Variants in SLC1A6 observed in about 807,000 individuals in gnomAD.
SLC1A6 encodes excitatory amino acid transporter 4.
Under a neutral mutation model 42.1 loss-of-function variants are expected in SLC1A6, and 15 were observed. The observed-to-expected ratio is 0.36, with a 90% CI of 0.24 to 0.55. The LOEUF is 0.55. Ranked by LOEUF, SLC1A6 falls within the 20% of genes least tolerant of loss-of-function variation. The pLI is 0.88. For missense variants in SLC1A6, 542 were observed against 772.5 expected (o/e 0.70, Z 3.54); for synonymous variants, 317 against 319.7 (o/e 0.99, Z 0.09).
Position 14,968,348 on chromosome 19 carries a change from C to A in SLC1A6, c.503G>T (p.Arg168Leu). The change falls in exon 4 of 10, where the codon CGG becomes CTG. Residue 168 changes from arginine to leucine, a missense_variant. By Grantham distance (102) the Arg-to-Leu change is moderately radical. Around this residue, in one of 6 missense-constraint regions of SLC1A6, gnomAD observed 298 missense variants for 419.4 expected, o/e 0.71. Coordinates refer to ENST00000594383, the MANE Select transcript of SLC1A6 (RefSeq NM_005071.3). Reference sequence around the variant, plus strand: ...ATCAGCTGTGGGGATGGTCTCGATCCGGCCCTCCCGGTGCAGCCCCTCCTT... The same window carrying A: ...ATCAGCTGTGGGGATGGTCTCGATCAGGCCCTCCCGGTGCAGCCCCTCCTT... The part of the protein sequence containing the change: ...GSKEGLHREG[R>L]IETIPTADAF... 1 of 1,613,690 alleles carries A rather than the reference C, an allele frequency of 6.2e-7. No individual in the cohort carries two copies. Among genetic ancestry groups the A allele is most frequent in the Non-Finnish European group, 8.5e-7 (1 of 1,179,862 alleles).
intron 1 of SLC1A6, among the ~76,000 whole-genome samples, chr19:14,998,578 A>C (rs1193132166): frequency 6.6e-6 from 1 of 152,094 alleles, no homozygotes; most frequent in African/African-American, 2.4e-5. Context: ...CAACAACAAC[A>C]AAAAAAGCAG....
In SLC1A6 at chr19:15,008,944, C is replaced by T. The variant is rs201089645; in HGVS notation, c.6+1541G>A. Among the ~76,000 whole-genome samples, 4 of 150,946 alleles carry T rather than the reference C, an allele frequency of 2.6e-5. No homozygotes were observed. The East Asian group carries it at 7.8e-4, about 29-fold the overall frequency. On this transcript the variant is annotated intron_variant, in intron 1 of 8. Transcript: ENST00000430939. ...CTGGGAGGCAGAGGTTGCAGTGAGC[C>T]GAGATCATGCCACTGCACTTCAGCC...
intron 8 of SLC1A6, among the ~76,000 whole-genome samples, chr19:14,953,478 C>CCACCTCGAACTCCTGAT (rs2045432330): frequency 1.3e-5 from 2 of 151,850 alleles, no homozygotes; most frequent in Non-Finnish European, 2.9e-5. Context: ...GAACTCCTGA[C>CCACCTCGAACTCCTGAT]CACCTCGAAC....
At chr19:14,974,581 C>T (rs1451479767) in intron 1 of SLC1A6, 1 of 151,600 alleles carries the variant, frequency 6.6e-6, no homozygotes, top group African/African-American at 2.4e-5. Flanking sequence ...TCTCTTTGTG[C>T]ACCCCTTCCT....
At chr19:14,970,857 C>T (rs571757795) in intron 3 of SLC1A6, among the ~76,000 whole-genome samples, 16 of 152,208 alleles carry the variant, frequency 1.1e-4, no homozygotes, top group African/African-American at 1.7e-4. Context: ...GTGAGCCGGG[C>T]GTGGTGGCTC....
At chr19:14,963,125 AAAAAG>A (rs2045534340) in intron 5 of SLC1A6, among the ~76,000 whole-genome samples, 1 of 152,238 alleles carries the variant, frequency 6.6e-6, no homozygotes, top group African/African-American at 2.4e-5. Flanking sequence ...TTCAGCCTTG[AAAAAG>A]GAGGGGATCC....
chr19:14,989,550 G>A (rs2045808787), intron 1 of SLC1A6, among the ~76,000 whole-genome samples: 4 of 148,106 alleles, frequency 2.7e-5, no homozygotes, highest in Admixed American at 1.3e-4. Flanking sequence ...GTGAGCCACC[G>A]TGCCCGGCCA....
intron 2 of SLC1A6, 146 bp from the exon 3 acceptor site, chr19:14,972,020 G>C: frequency 2.9e-6 from 2 of 695,608 alleles, no homozygotes; most frequent in Non-Finnish European, 4.8e-6. Flanking sequence ...GTGCACTGAT[G>C]TGTGCAGACA....
At chr19:14,961,803 G>T in intron 6 of SLC1A6, 199 bp downstream of exon 6, 1 of 679,400 alleles carries the variant, frequency 1.5e-6, no homozygotes, top group Non-Finnish European at 2.4e-6. Context: ...ATGAATGAAT[G>T]AACAGATGAA....
intron 5 of SLC1A6, among the ~76,000 whole-genome samples, chr19:14,962,914 A>G (rs2045531701): frequency 1.3e-5 from 2 of 152,138 alleles, no homozygotes; most frequent in Non-Finnish European, 2.9e-5. Context: ...AAAAACAAAA[A>G]AAAATTGAAC....
At chr19:14,999,786 C>T (rs2145239698) in intron 1 of SLC1A6, among the ~76,000 whole-genome samples, 1 of 152,198 alleles carries the variant, frequency 6.6e-6, no homozygotes, top group East Asian at 1.9e-4. Context: ...TTTTCACCTT[C>T]AATACAATAG....
intron 1 of SLC1A6, among the ~76,000 whole-genome samples, chr19:14,993,294 G>T (rs76515632): frequency 6.6e-6 from 1 of 151,952 alleles, no homozygotes; most frequent in African/African-American, 2.4e-5. Context: ...GGGGGGCAAT[G>T]GTGAGTGACT....
chr19:15,004,686 G>A (rs965139177), intron 1 of SLC1A6, among the ~76,000 whole-genome samples: 2 of 149,818 alleles, frequency 1.3e-5, no homozygotes, highest in African/African-American at 4.9e-5. Flanking sequence ...GTGACAGAGT[G>A]AGACTCTGTC....
At chr19:14,970,583 T>C (rs6511990) in intron 3 of SLC1A6, among the ~76,000 whole-genome samples, 58,276 of 151,346 alleles carry the variant, frequency 0.39, 11,570 homozygotes, top group East Asian at 0.59. Flanking sequence ...TGGTGGCGGG[T>C]GCCTGTAGTT....
In SLC1A6 at chr19:15,009,866, G is replaced by A. The variant is rs145561121; in HGVS notation, c.6+619C>T. On this transcript the variant is annotated intron_variant, in intron 1 of 8. Coordinates refer to the SLC1A6 transcript ENST00000430939. ...AAGATAATTTCAGATAGCGGTGAGT[G>A]CTATGAAGACACGAAAGAAAATGTA... is the stretch of plus-strand genomic sequence containing the variant. Among the ~76,000 whole-genome samples, 354 of 152,252 alleles carry A rather than the reference G, an allele frequency of 2.3e-3. 3 individuals carry two copies. Among genetic ancestry groups the A allele is most frequent in the African/African-American group, 8.1e-3 (335 of 41,556 alleles).
At chr19:14,994,506 C>G (rs1469263996) in intron 1 of SLC1A6, among the ~76,000 whole-genome samples, 1 of 152,176 alleles carries the variant, frequency 6.6e-6, no homozygotes, top group Non-Finnish European at 1.5e-5. Flanking sequence ...TGACCCAACT[C>G]CCCTCAAACT....
upstream of SLC1A6, among the ~76,000 whole-genome samples, chr19:14,982,769 G>A (rs1427892387): frequency 1.3e-5 from 2 of 152,160 alleles, no homozygotes; most frequent in East Asian, 3.8e-4. Flanking sequence ...AGATCCCAAA[G>A]AGCTTTTCTT....
intron 1 of SLC1A6, among the ~76,000 whole-genome samples, chr19:15,008,021 GC>G (rs35846384): frequency 0.017 from 2,046 of 120,880 alleles, 22 homozygotes; most frequent in African/African-American, 0.026. Context: ...TCAAAAGTCT[GC>G]CCCCCCCCCA....
intron 1 of SLC1A6, among the ~76,000 whole-genome samples, chr19:14,988,974 G>C (rs923617434): frequency 6.6e-6 from 1 of 152,146 alleles, no homozygotes; most frequent in African/African-American, 2.4e-5. Context: ...AGCCATGATC[G>C]TGCCACTGCA....
Sources: allele counts gnomAD v4.1 joint callset (sites outside exome capture counted in the v4.1 genomes callset), GRCh38; gene constraint gnomAD v4.1.1; regional missense constraint gnomAD v4.1.1; transcripts MANE v1.5; gene names NCBI Gene and HGNC (gene_info 2026-07-23, HGNC 2026-07-21).